The following VEGFA variants were observed in gnomAD, a reference collection of about 807,000 sequenced individuals.
VEGFA encodes vascular endothelial growth factor A, also known as vascular endothelial growth factor A, long form.
A neutral mutation model predicts 49.7 loss-of-function variants in VEGFA; 20 were observed. That is an observed-to-expected ratio of 0.40 (90% CI 0.28 to 0.58). The LOEUF (loss-of-function observed/expected upper bound fraction) is 0.58, where lower values mean the gene tolerates loss of function less well. VEGFA is among the 20% of genes least tolerant of loss of function. The probability of loss-of-function intolerance (pLI) is 0.40; values close to 1 mark genes in which losing one functional copy is unlikely to be tolerated. For synonymous variants in VEGFA, 219 were observed against 223.4 expected (o/e 0.98, Z 0.18); for missense variants, 505 against 553.5 (o/e 0.91, Z 0.88).
In VEGFA at chr6:43,785,691, C is replaced by T. The variant is rs1769340084; in HGVS notation, c.*1129C>T. The stretch of plus-strand genomic sequence containing the variant: ...TGTGAGTGGTTGACCTTCCTCCATC[C>T]CCTGGTCCTTCCCTTCCCTTCCCGA... On this transcript the variant is annotated 3_prime_UTR_variant, in exon 8 of 8. Coordinates refer to ENST00000672860, the MANE Select transcript of VEGFA (RefSeq NM_003376.6). The T allele has an allele frequency of 5.1e-6, 1 of 196,798 alleles. No individual in the cohort carries two copies. The highest frequency in any genetic ancestry group is 2.3e-5 in the African/African-American group (1 of 43,260). 12.2% of individuals were successfully genotyped at this position (196,798 alleles called of 1,614,324 possible).
chr6:43,779,270 TG>T, intron 5 of VEGFA: 1 of 466,098 alleles, frequency 2.1e-6, no homozygotes, highest in East Asian at 4.1e-5. Flanking sequence ...AGGGAGTGGG[TG>T]GCAGAGAGGC....
In VEGFA at chr6:43,770,661, G is replaced by C. The variant is rs962048538; in HGVS notation, c.-46G>C. 6.6e-7 allele frequency: 1 copy of C among 1,519,362 alleles called. No individual in the cohort carries two copies. Among genetic ancestry groups the C allele is most frequent in the Admixed American group, 2.1e-5 (1 of 47,474 alleles). 94.1% of individuals were successfully genotyped at this position (1,519,362 alleles called of 1,614,324 possible). ...TGCTTTTGGGGGTGACCGCCGGAGC[G>C]CGGCGTGAGCCCTCCCCCTTGGGAT... On this transcript the variant is annotated 5_prime_UTR_variant, in exon 1 of 8. Coordinates refer to ENST00000672860, the MANE Select transcript of VEGFA (RefSeq NM_003376.6).
chr6:43,781,919 C>T (rs1375172155), intron 6 of VEGFA, 37 bp from the exon 7 acceptor site: 7 of 1,612,226 alleles, frequency 4.3e-6, no homozygotes, highest in Non-Finnish European at 5.9e-6. Context: ...TCTGCTGATG[C>T]TCTAGCTTAG....
intron 3 of VEGFA, chr6:43,778,190 A>C: frequency 1.8e-6 from 1 of 562,174 alleles, no homozygotes; most frequent in Non-Finnish European, 3.2e-6. Flanking sequence ...AGTGGTAAGA[A>C]CCTAGGATTT....
intron 1 of VEGFA, among the ~76,000 whole-genome samples, chr6:43,772,766 G>A (rs908879841): frequency 6.6e-6 from 1 of 152,192 alleles, no homozygotes; most frequent in Non-Finnish European, 1.5e-5. Context: ...GAAAGCCATG[G>A]ACAGGGGTCG....
rs897471876 is a variant in VEGFA, at chr6:43,770,898, C to T, written c.192C>T (p.Phe64=). The T allele has an allele frequency of 7.8e-6, 12 of 1,544,576 alleles. No homozygotes were observed. In the Admixed American group the frequency reaches 1.2e-4, roughly 15 times the overall value. The stretch of plus-strand genomic sequence containing the variant: ...TCCAACTTCTGGGCTGTTCTCGCTT[C>T]GGAGGAGCCGTGGTCCGCGCGGGGG... The change falls in exon 1 of 8, where the codon TTC becomes TTT. Residue 64 remains phenylalanine (F), a synonymous_variant. Coordinates refer to ENST00000672860, the MANE Select transcript of VEGFA (RefSeq NM_003376.6).
chr6:43,771,947 G>A (rs960777750), intron 1 of VEGFA: 7 of 927,744 alleles, frequency 7.5e-6, no homozygotes, highest in African/African-American at 1.8e-5. Context: ...GCCCTCCCCC[G>A]CCCGGCCGGG....
chr6:43,777,586 C>T lies in VEGFA; in HGVS notation c.776C>T (p.Pro259Leu). Residue 259 changes from proline (P) to leucine (L), a missense_variant, in exon 3 of 8, where the codon CCC becomes CTC. Transcript: ENST00000672860. The surrounding 1 kb of genome is among the most constrained non-coding windows in gnomAD (Gnocchi z 4.3). The stretch of plus-strand genomic sequence containing the variant: ...TACATCTTCAAGCCATCCTGTGTGC[C>T]CCTGATGCGATGCGGGGGCTGCTGC... 2 of 1,614,070 alleles carry T rather than the reference C, an allele frequency of 1.2e-6. No individual in the cohort carries two copies. Among genetic ancestry groups the T allele is most frequent in the Non-Finnish European group, 1.7e-6 (2 of 1,180,016 alleles).
At position 43,777,959 on chromosome 6, in the gene VEGFA, T is replaced by G; in HGVS notation, c.855+294T>G. The G allele has an allele frequency of 4.0e-6, 2 of 499,326 alleles. No individual in the cohort carries two copies. The highest frequency in any genetic ancestry group is 7.2e-6 in the Non-Finnish European group (2 of 276,502). 30.9% of individuals were successfully genotyped at this position (499,326 alleles called of 1,614,324 possible). A position where few individuals can be genotyped will look rare whatever the true frequency, so the allele number is the denominator to read the frequency against. ...CCCTCTCTCCCTCTCTTGGAGAGAG[T>G]CCTGAGTGCCCCCCCTTCTTGGGGG... On this transcript the variant is annotated intron_variant, in intron 3 of 7. Coordinates refer to ENST00000672860, the MANE Select transcript of VEGFA (RefSeq NM_003376.6). This position sits in a 1 kb window ranked among gnomAD's most constrained non-coding sequence, Gnocchi z 4.3.
intron 6 of VEGFA, 172 bp downstream of exon 6, chr6:43,780,975 G>A: frequency 2.0e-6 from 3 of 1,518,752 alleles, no homozygotes; most frequent in Non-Finnish European, 2.7e-6. Flanking sequence ...GGCACCAACG[G>A]GTAGATTTGG....
At chr6:43,784,065 C>T (rs1768867020) in intron 7 of VEGFA, 2 of 223,548 alleles carry the variant, frequency 8.9e-6, no homozygotes, top group Non-Finnish European at 9.0e-6. Context: ...AGCCTCTCTG[C>T]CTCAGGCGTT....
chr6:43,774,194 C>T (rs145106809), intron 1 of VEGFA, 147 bp from the exon 2 acceptor site: 15 of 806,942 alleles, frequency 1.9e-5, no homozygotes, highest in African/African-American at 1.2e-4. Context: ...TGGGGACCCC[C>T]GGTTGTGTCC....
chr6:43,784,854 A>T lies in VEGFA; in HGVS notation c.*292A>T. 1 of 585,132 alleles carries T rather than the reference A, an allele frequency of 1.7e-6. No individual in the cohort carries two copies. Among genetic ancestry groups the T allele is most frequent in the Non-Finnish European group, 3.1e-6 (1 of 326,994 alleles). The allele number at this position is 585,132 out of a possible 1,614,324, so 36.2% of individuals were successfully genotyped here. On this transcript the variant is annotated 3_prime_UTR_variant, in exon 8 of 8. Transcript: ENST00000672860. ...TATTTTTCTTGCTGCTAAATCACCG[A>T]GCCCGGAAGATTAGAGAGTTTTATT...
At position 43,770,404 on chromosome 6, in the gene VEGFA, CTG is replaced by C; in HGVS notation, c.-301_-300del. 2.6e-6 allele frequency: 1 copy of C among 391,318 alleles called. No individual in the cohort carries two copies. The highest frequency in any genetic ancestry group is 4.4e-6 in the Non-Finnish European group (1 of 228,612). 24.2% of individuals were successfully genotyped at this position (391,318 alleles called of 1,614,324 possible). ...TTTTCTTAAACATTTTTTTTTAAAACTGTATTGTTTCTCGTTTTAATTTATTT... is the reference window on the plus strand; with the variant it reads ...TTTTCTTAAACATTTTTTTTTAAAACTATTGTTTCTCGTTTTAATTTATTT... On this transcript the variant is annotated 5_prime_UTR_variant, in exon 1 of 8. Coordinates refer to ENST00000672860, the MANE Select transcript of VEGFA (RefSeq NM_003376.6).
intron 2 of VEGFA, 139 bp downstream of exon 2, chr6:43,774,531 G>C (rs1764664267): frequency 3.9e-6 from 4 of 1,033,282 alleles, no homozygotes; most frequent in Non-Finnish European, 5.9e-6. Context: ...AAAGAGCTGG[G>C]CACCACGAGG....
rs1293719095 is a variant in VEGFA at position 43,786,321 on chromosome 6, C to T, written c.*1759C>T. ...TTATTTATTGGTGCTACTGTTTATC[C>T]GTAATAATTGTGGGGAAAAGATATT... On this transcript the variant is annotated 3_prime_UTR_variant, in exon 8 of 8. Coordinates refer to ENST00000672860, the MANE Select transcript of VEGFA (RefSeq NM_003376.6). 5 of 178,150 alleles carry T rather than the reference C, an allele frequency of 2.8e-5. No homozygotes were observed. Among genetic ancestry groups the T allele is most frequent in the African/African-American group, 7.1e-5 (3 of 42,002 alleles). The allele number at this position is 178,150 out of a possible 1,614,324, so 11.0% of individuals were successfully genotyped here.
rs1315522300 is a variant in VEGFA at position 43,785,073 on chromosome 6, T to C, written c.*511T>C. On this transcript the variant is annotated 3_prime_UTR_variant, in exon 8 of 8. Transcript: ENST00000672860. ...CTGTGGACTTGAGTTGGGAGGGGAA[T>C]GTTCCCACTCAGATCCTGACAGGGA... 2 of 189,138 alleles carry C rather than the reference T, an allele frequency of 1.1e-5. No homozygotes were observed. Among genetic ancestry groups the C allele is most frequent in the African/African-American group, 2.3e-5 (1 of 42,658 alleles). 11.7% of individuals were successfully genotyped at this position (189,138 alleles called of 1,614,324 possible).
chr6:43,772,497 T>C (rs1763956475), intron 1 of VEGFA, among the ~76,000 whole-genome samples: 1 of 152,186 alleles, frequency 6.6e-6, no homozygotes, highest in Non-Finnish European at 1.5e-5. Flanking sequence ...ATTGCCCCAC[T>C]TTACCCTTTT....
chr6:43,780,560 T>C (rs1767179747), intron 5 of VEGFA, 172 bp from the exon 6 acceptor site: 2 of 844,632 alleles, frequency 2.4e-6, no homozygotes, highest in African/African-American at 3.3e-5. Context: ...GACACGCCTG[T>C]GTGCGCCCGC....
Sources: allele counts gnomAD v4.1 joint callset (sites outside exome capture counted in the v4.1 genomes callset), GRCh38; gene constraint gnomAD v4.1.1; non-coding constraint Gnocchi (gnomAD v3.1); transcripts MANE v1.5; gene names NCBI Gene and HGNC (gene_info 2026-07-23, HGNC 2026-07-21).